CCDC9: variants seen among roughly 807,000 people sequenced by gnomAD.
The protein encoded by CCDC9 is coiled-coil domain-containing protein 9.
In CCDC9, 52 loss-of-function variants were observed where a neutral mutation model predicts 65.6. The ratio of observed to expected loss-of-function variants is 0.79; its 90% CI spans 0.63 to 1.00. The LOEUF (loss-of-function observed/expected upper bound fraction) is 1.00, where lower values mean the gene tolerates loss of function less well. Ranked by LOEUF, CCDC9 falls within the 50% of genes least tolerant of loss-of-function variation. The pLI is 0.00. For missense variants in CCDC9, 834 were observed against 757.2 expected, an observed-to-expected ratio of 1.10 and a Z score of -1.19; for synonymous variants, 332 against 280.3, an observed-to-expected ratio of 1.18 and a Z score of -1.84.
downstream of CCDC9, chr19:47,273,865 G>C: frequency 1.9e-6 from 1 of 523,806 alleles, no homozygotes; most frequent in Non-Finnish European, 2.5e-6. Context: ...GAGGGGGCAG[G>C]CTGGGTCGCT....
chr19:47,260,293 CT>C (rs1261911170), intron 3 of CCDC9, 27 bp from the exon 4 acceptor site: 1 of 1,508,746 alleles, frequency 6.6e-7, no homozygotes, highest in East Asian at 2.4e-5. Context: ...GCACCTGATG[CT>C]TCCCTACCCC....
chr19:47,258,550 C>T lies in CCDC9; in HGVS notation c.4-9C>T, dbSNP rs763885165. The stretch of plus-strand genomic sequence containing the variant: ...TTCCTTCCATCCCTCAACTGCCTCC[C>T]GGTCTCAGGCAGCCACACTCGATTT... On this transcript the variant is annotated splice_polypyrimidine_tract_variant and intron_variant, in intron 2 of 11. Transcript: ENST00000221922. The T allele has an allele frequency of 1.4e-5, 22 of 1,611,854 alleles. No homozygotes were observed. Among genetic ancestry groups the T allele is most frequent in the South Asian group, 8.8e-5 (8 of 91,020 alleles).
At chr19:47,258,153 G>A (rs1027286048) in intron 1 of CCDC9, 177 bp from the exon 2 acceptor site, 22 of 583,406 alleles carry the variant, frequency 3.8e-5, no homozygotes, top group Non-Finnish European at 5.8e-5. Context: ...AAAGGGCTGA[G>A]TCTGAATTTC....
chr19:47,262,851 T>G (rs553357247), intron 5 of CCDC9, among the ~76,000 whole-genome samples: 27 of 152,138 alleles, frequency 1.8e-4, no homozygotes, highest in African/African-American at 6.5e-4. Flanking sequence ...CTTGGGAAGC[T>G]AAGGTGGGAG....
At chr19:47,269,932 C>T (rs527429694) in intron 8 of CCDC9, among the ~76,000 whole-genome samples, 1 of 151,660 alleles carries the variant, frequency 6.6e-6, no homozygotes, top group Admixed American at 6.6e-5. Context: ...TGTCACTATG[C>T]TGTCAAATTT....
intron 1 of CCDC9, chr19:47,257,682 C>T (rs1291888130): frequency 2.6e-5 from 4 of 153,572 alleles, no homozygotes; most frequent in African/African-American, 7.2e-5. Flanking sequence ...GTACAGAATC[C>T]TTTCGGGGGA....
downstream of CCDC9, chr19:47,273,794 C>T (rs745703802): frequency 3.5e-6 from 1 of 282,692 alleles, no homozygotes; most frequent in Non-Finnish European, 6.2e-6. Flanking sequence ...TTGAATTACT[C>T]GGGCGCCAGC....
downstream of CCDC9, chr19:47,271,955 G>T: frequency 7.8e-7 from 1 of 1,288,522 alleles, no homozygotes; most frequent in South Asian, 2.9e-5. Context: ...ATCCTCCAAT[G>T]ACATTCCCCC....
intron 3 of CCDC9, 98 bp from the exon 4 acceptor site, chr19:47,260,223 C>G (rs2059035803): frequency 1.2e-6 from 1 of 841,518 alleles, no homozygotes. Flanking sequence ...GGAGAGAGGC[C>G]TGGGCTGGGG....
At chr19:47,267,230 C>T (rs528281279) in intron 8 of CCDC9, among the ~76,000 whole-genome samples, 5 of 152,138 alleles carry the variant, frequency 3.3e-5, no homozygotes, top group African/African-American at 4.8e-5. Flanking sequence ...TCCCAAAGTG[C>T]TGAGATTACA....
rs548517621 is a variant in CCDC9, at chr19:47,257,339, A to G, written c.-72+730A>G. Reference sequence around the variant, plus strand: ...AATAAGAGATGGTAGGGGCGGGTGTAGGCTGTTGCCTGCGAGCCAGGAGGC... The same window carrying G: ...AATAAGAGATGGTAGGGGCGGGTGTGGGCTGTTGCCTGCGAGCCAGGAGGC... On this transcript the variant is annotated intron_variant, in intron 1 of 11. Transcript: ENST00000221922. Among the ~76,000 whole-genome samples, 15 of 140,718 alleles carry G rather than the reference A, an allele frequency of 1.1e-4. No homozygotes were observed. In the South Asian group the frequency reaches 3.1e-3, roughly 29 times the overall value. The allele number at this position is 140,718 out of a possible 152,430, so 92.3% of individuals were successfully genotyped here.
downstream of CCDC9, chr19:47,275,535 C>T (rs1337356634): frequency 1.3e-5 from 10 of 779,668 alleles, no homozygotes; most frequent in African/African-American, 3.7e-5. Context: ...TGCAGCTACT[C>T]TGTGGTCAGG....
chr19:47,271,404 G>T lies in CCDC9; in HGVS notation c.1322G>T (p.Gly441Val). The T allele has an allele frequency of 6.2e-7, 1 of 1,611,374 alleles. No homozygotes were observed. The highest frequency in any genetic ancestry group is 1.1e-5 in the South Asian group (1 of 90,762). ...EEEEEIEVEE[G>V]DEEEPAQDHQ... ...GAGGAGGAGATCGAGGTGGAAGAAGGTGATGAGGAGGAACCAGCCCAAGAC... is the reference window on the plus strand; with the variant it reads ...GAGGAGGAGATCGAGGTGGAAGAAGTTGATGAGGAGGAACCAGCCCAAGAC... The change falls in exon 12 of 12, where the codon GGT becomes GTT. Residue 441 changes from glycine to valine, a missense_variant. Physicochemically the swap from Gly to Val is moderately radical, Grantham distance 109. Coordinates refer to ENST00000221922, the MANE Select transcript of CCDC9 (RefSeq NM_015603.3).
At position 47,266,656 on chromosome 19, in the gene CCDC9, A is replaced by G. The variant is rs1417605580; in HGVS notation, c.766A>G (p.Met256Val). 1 of 1,594,026 alleles carries G rather than the reference A, an allele frequency of 6.3e-7. No homozygotes were observed. The highest frequency in any genetic ancestry group is 1.3e-5 in the African/African-American group (1 of 74,798). Residue 256 changes from methionine to valine, a missense_variant, in exon 8 of 12, where the codon ATG becomes GTG. Coordinates refer to ENST00000221922, the MANE Select transcript of CCDC9 (RefSeq NM_015603.3). ...LGSAGDMTLS[M>V]TGRERSEYLR... ...CAGTGCTGGAGACATGACGTTGTCC[A>G]TGACGGGCCGGGAGCGGTCGGAGTA...
Position 47,260,738 on chromosome 19 carries a change from C to A in CCDC9, c.361C>A (p.Arg121=). ...GGAGGGCAGCCCCGGGGAGCAGCCT[C>A]GAGGAGGAGGAGCTGGGGGCCGTGG... ...SWEGSPGEQP[R]GGGAGGRGRR... Residue 121 remains arginine, a synonymous_variant, in exon 5 of 12, where the codon CGA becomes AGA. Coordinates refer to ENST00000221922, the MANE Select transcript of CCDC9 (RefSeq NM_015603.3). 1 of 1,602,226 alleles carries A rather than the reference C, an allele frequency of 6.2e-7. No homozygotes were observed.
At chr19:47,260,146 C>T (rs1052574589) in intron 3 of CCDC9, among the ~76,000 whole-genome samples, 175 bp from the exon 4 acceptor site, 7 of 152,138 alleles carry the variant, frequency 4.6e-5, no homozygotes, top group Non-Finnish European at 5.9e-5. Context: ...ACCACAGGAA[C>T]GTTCTGAGTG....
In CCDC9 at chr19:47,271,548, C is replaced by T; in HGVS notation, c.1466C>T (p.Pro489Leu). ...EPQAPGTPSS[P>L]FSPPSGHQPV... ...CAGGCCCCTGGCACGCCTTCCAGCC[C>T]TTTCTCACCACCCAGCGGCCACCAG... The change falls in exon 12 of 12, where the codon CCT becomes CTT. Residue 489 changes from proline (P) to leucine (L), a missense_variant. Coordinates refer to ENST00000221922, the MANE Select transcript of CCDC9 (RefSeq NM_015603.3). 1.2e-6 allele frequency: 2 copies of T among 1,613,254 alleles called. No individual in the cohort carries two copies. The highest frequency in any genetic ancestry group is 8.5e-7 in the Non-Finnish European group (1 of 1,179,938).
intron 5 of CCDC9, among the ~76,000 whole-genome samples, chr19:47,262,475 C>T (rs1461847731): frequency 6.6e-6 from 1 of 152,064 alleles, no homozygotes; most frequent in African/African-American, 2.4e-5. Flanking sequence ...CCTCGGCCTC[C>T]CAAAATGCTG....
downstream of CCDC9, chr19:47,275,372 A>C: frequency 2.0e-6 from 3 of 1,531,610 alleles, no homozygotes; most frequent in Non-Finnish European, 1.8e-6. Flanking sequence ...CCCAACCCGG[A>C]TCGCCAGCCC....
Sources: allele counts gnomAD v4.1 joint callset (sites outside exome capture counted in the v4.1 genomes callset), GRCh38; gene constraint gnomAD v4.1.1; transcripts MANE v1.5; gene names NCBI Gene and HGNC (gene_info 2026-07-23, HGNC 2026-07-21).